The following DGKG variants were observed in gnomAD, a reference collection of about 807,000 sequenced individuals.
DGKG encodes the protein DAG kinase gamma.
Under a neutral mutation model 105.3 loss-of-function variants are expected in DGKG, and 78 were observed. That is an observed-to-expected ratio of 0.74 (90% CI 0.62 to 0.89). The LOEUF (loss-of-function observed/expected upper bound fraction) is 0.89, where lower values mean the gene tolerates loss of function less well. DGKG is among the 40% of genes least tolerant of loss of function. The probability of loss-of-function intolerance (pLI) is 0.00; values close to 1 mark genes in which losing one functional copy is unlikely to be tolerated. For missense variants in DGKG, 958 were observed against 1,020.1 expected (o/e 0.94, Z 0.83); for synonymous variants, 346 against 367.1 (o/e 0.94, Z 0.66).
intron 23 of DGKG, 74 bp downstream of exon 23, chr3:186,164,824 G>T (rs1716458768): frequency 6.7e-7 from 1 of 1,496,360 alleles, no homozygotes. Flanking sequence ...TCCAAAGATG[G>T]CTTCTCAGTT....
Position 186,242,675 on chromosome 3 carries a change from CTCTA to C in DGKG, c.1762-111_1762-108del, listed in dbSNP as rs1020069547. The C allele has an allele frequency of 8.6e-5, 77 of 891,836 alleles. No homozygotes were observed. In the African/African-American group the frequency reaches 1.1e-3, roughly 13 times the overall value. The allele number at this position is 891,836 out of a possible 1,614,324, so 55.2% of individuals were successfully genotyped here. A position where few individuals can be genotyped will look rare whatever the true frequency, so the allele number is the denominator to read the frequency against. ...TCGCTGAGTCATGCCAACCCTGGGACTCTATCTATCGCATGGTGGGGCTCCAGGT... is the reference window on the plus strand; with the variant it reads ...TCGCTGAGTCATGCCAACCCTGGGACTCTATCGCATGGTGGGGCTCCAGGT... On this transcript the variant is annotated intron_variant, in intron 19 of 24. Transcript: ENST00000265022.
chr3:186,302,452 G>T (rs1332261551), intron 3 of DGKG, among the ~76,000 whole-genome samples: 1 of 132,418 alleles, frequency 7.6e-6, no homozygotes, highest in African/African-American at 2.8e-5. Flanking sequence ...AAAAAGGGGG[G>T]AAATGTGCTA....
chr3:186,346,057 C>T (rs968050404), intron 1 of DGKG, among the ~76,000 whole-genome samples: 2 of 152,184 alleles, frequency 1.3e-5, no homozygotes, highest in Non-Finnish European at 2.9e-5. Context: ...TGAGCCACTG[C>T]CCCTCACCTT....
intron 21 of DGKG, among the ~76,000 whole-genome samples, chr3:186,208,569 T>G (rs1258044058): frequency 1.3e-5 from 2 of 152,230 alleles, no homozygotes; most frequent in Admixed American, 6.5e-5. Flanking sequence ...ACATTAATAT[T>G]GGCCCTGCCT....
At position 186,257,891 on chromosome 3, in the gene DGKG, A is replaced by G; in HGVS notation, c.1473T>C (p.Gly491=). 1.2e-6 allele frequency: 2 copies of G among 1,613,944 alleles called. No individual in the cohort carries two copies. The highest frequency in any genetic ancestry group is 1.3e-5 in the African/African-American group (1 of 74,974). ...AAATCCAGCCAACTGTCCCATCTCC[A>G]CCACAGGCCAAAACACGGAAGTCTG... The part of the protein sequence containing the change: ...DTPDFRVLAC[G]GDGTVGWILD... Residue 491 remains glycine (G), a synonymous_variant, in exon 17 of 25, where the codon GGT becomes GGC. Transcript: ENST00000265022.
chr3:186,284,807 A>G lies in DGKG; in HGVS notation c.545-98T>C. 2 of 977,322 alleles carry G rather than the reference A, an allele frequency of 2.0e-6. No homozygotes were observed. The highest frequency in any genetic ancestry group is 2.7e-5 in the South Asian group (2 of 73,342). 60.5% of individuals were successfully genotyped at this position (977,322 alleles called of 1,614,324 possible). On this transcript the variant is annotated intron_variant, in intron 6 of 24. Transcript: ENST00000265022. The surrounding 1 kb of genome is among the most constrained non-coding windows in gnomAD (Gnocchi z 4.0). ...AGGTTTTTAGATTAGTTCTGTCACC[A>G]CTGTGACGAAGGTTATGGCAGCCAG...
chr3:186,205,745 A>T (rs550268341), intron 21 of DGKG, among the ~76,000 whole-genome samples: 1 of 152,226 alleles, frequency 6.6e-6, no homozygotes, highest in Admixed American at 6.5e-5. Context: ...ACAACAAAAA[A>T]TGGAAAAATA....
chr3:186,288,585 C>T (rs1165871962), intron 6 of DGKG, 125 bp downstream of exon 6: 5 of 1,016,836 alleles, frequency 4.9e-6, no homozygotes, highest in East Asian at 5.2e-5. Flanking sequence ...AAGAAACCTC[C>T]CCAAAGAGGC....
At chr3:186,346,721 A>AT (rs944056409) in intron 1 of DGKG, among the ~76,000 whole-genome samples, 3 of 150,000 alleles carry the variant, frequency 2.0e-5, no homozygotes, top group African/African-American at 7.6e-5. Flanking sequence ...CAAGTTCTAC[A>AT]TTTTTTGAAA....
At chr3:186,321,378 G>A (rs1470037612) in intron 1 of DGKG, among the ~76,000 whole-genome samples, 3 of 152,210 alleles carry the variant, frequency 2.0e-5, no homozygotes, top group East Asian at 3.9e-4. Context: ...AGAATGAGAT[G>A]GAGTCGAAAA....
chr3:186,324,779 G>C (rs1399118742), intron 1 of DGKG, among the ~76,000 whole-genome samples: 1 of 152,218 alleles, frequency 6.6e-6, no homozygotes, highest in East Asian at 1.9e-4. Flanking sequence ...AAGCAGGTTG[G>C]AGATTTCTCG....
intron 7 of DGKG, among the ~76,000 whole-genome samples, chr3:186,282,671 C>G (rs1722880520): frequency 6.6e-6 from 1 of 151,936 alleles, no homozygotes; most frequent in South Asian, 2.1e-4. Context: ...CGCCACCACA[C>G]CCGGATAATT....
chr3:186,264,779 A>T (rs1161039944), intron 14 of DGKG, among the ~76,000 whole-genome samples: 1 of 152,198 alleles, frequency 6.6e-6, no homozygotes, highest in East Asian at 1.9e-4. Flanking sequence ...TCTGTGGAAG[A>T]CACAAAAAAT....
At chr3:186,192,127 A>T (rs1717937394) in intron 21 of DGKG, among the ~76,000 whole-genome samples, 3 of 151,630 alleles carry the variant, frequency 2.0e-5, no homozygotes, top group Admixed American at 6.6e-5. Context: ...CCTGCCTTGG[A>T]CTCCTGAAGT....
chr3:186,227,165 A>G (rs1480018135), intron 20 of DGKG, among the ~76,000 whole-genome samples: 1 of 152,244 alleles, frequency 6.6e-6, no homozygotes, highest in African/African-American at 2.4e-5. Context: ...TATTACAGAC[A>G]GGAATCATGA....
Position 186,280,673 on chromosome 3 carries a change from C to T in DGKG, c.666G>A (p.Arg222=). The part of the protein sequence containing the change: ...QYLEWDPTEL[R]PILKEMLQGM... The stretch of plus-strand genomic sequence containing the variant: ...CCCCATCCTTATAGAAACTCACAGG[C>T]CTCAGCTCTGTGGGATCCCACTCCA... Residue 222 remains arginine (R), a synonymous_variant, in exon 8 of 25, where the codon AGG becomes AGA. Coordinates refer to ENST00000265022, the MANE Select transcript of DGKG (RefSeq NM_001346.3). The T allele has an allele frequency of 6.2e-7, 1 of 1,612,954 alleles. No individual in the cohort carries two copies. Among genetic ancestry groups the T allele is most frequent in the Non-Finnish European group, 8.5e-7 (1 of 1,178,924 alleles).
At chr3:186,205,221 C>T (rs1718666811) in intron 21 of DGKG, among the ~76,000 whole-genome samples, 1 of 143,828 alleles carries the variant, frequency 7.0e-6, no homozygotes, top group South Asian at 2.2e-4. Flanking sequence ...TGTGCCATTG[C>T]ACTCCAGCCT....
chr3:186,285,715 T>C (rs1430525244), intron 6 of DGKG, among the ~76,000 whole-genome samples: 3 of 151,164 alleles, frequency 2.0e-5, no homozygotes, highest in Non-Finnish European at 4.4e-5. Context: ...GTTTCACTCT[T>C]GTCGCCCAGG....
intron 24 of DGKG, among the ~76,000 whole-genome samples, chr3:186,151,801 T>C (rs1478961280): frequency 2.0e-5 from 3 of 152,130 alleles, no homozygotes; most frequent in African/African-American, 7.2e-5. Context: ...CAGGTTTACA[T>C]TGAAAGGGCT....
Sources: gnomAD v4.1 joint callset for allele counts (sites outside exome capture counted in the v4.1 genomes callset) on GRCh38, gnomAD v4.1.1 for gene constraint, Gnocchi (gnomAD v3.1) non-coding constraint, MANE v1.5 for transcripts, NCBI Gene and HGNC (gene_info 2026-07-23, HGNC 2026-07-21) for gene names.